Variants in KLC1 observed in about 807,000 individuals in gnomAD.
KLC1 encodes kinesin 2 60/70kDa.
KLC1 carries 30 observed loss-of-function variants against 84.2 expected under a neutral mutation model. That is an observed-to-expected ratio of 0.36 (90% CI 0.27 to 0.48). The LOEUF (loss-of-function observed/expected upper bound fraction) is 0.48. Ranked by LOEUF, KLC1 falls within the 20% of genes least tolerant of loss-of-function variation. The pLI is 0.99. For synonymous variants in KLC1, 289 were observed against 293.3 expected, an observed-to-expected ratio of 0.99 and a Z score of 0.15; for missense variants, 499 against 805.4, an observed-to-expected ratio of 0.62 and a Z score of 4.60.
chr14:103,692,449 G>A, intron 15 of KLC1, 24 bp downstream of exon 15: 2 of 1,534,826 alleles, frequency 1.3e-6, no homozygotes, highest in Non-Finnish European at 1.7e-6. Flanking sequence ...CCCGAATTGT[G>A]TCCTAGGCTG....
intron 3 of KLC1, among the ~76,000 whole-genome samples, chr14:103,660,665 A>C (rs2079204181): frequency 6.6e-6 from 1 of 150,842 alleles, no homozygotes; most frequent in Non-Finnish European, 1.5e-5. Flanking sequence ...GGTAGAGTGC[A>C]CCTGTGGTCC....
chr14:103,649,936 C>T (rs987353735), intron 1 of KLC1, among the ~76,000 whole-genome samples: 1 of 152,222 alleles, frequency 6.6e-6, no homozygotes, highest in Non-Finnish European at 1.5e-5. Flanking sequence ...ACCTCGTGAT[C>T]CGCCCGCCTC....
At chr14:103,674,362 T>A (rs1172013582) in intron 9 of KLC1, among the ~76,000 whole-genome samples, 1 of 152,154 alleles carries the variant, frequency 6.6e-6, no homozygotes, top group Non-Finnish European at 1.5e-5. Context: ...TCTAGAAACT[T>A]GCGTGAGTGT....
intron 15 of KLC1, chr14:103,699,432 G>A (rs2082914459): frequency 6.2e-7 from 1 of 1,612,922 alleles, no homozygotes. Context: ...CCCAGGGACT[G>A]CAGATGCCTG....
At chr14:103,636,635 T>C (rs1468136159) in intron 1 of KLC1, among the ~76,000 whole-genome samples, 1 of 152,180 alleles carries the variant, frequency 6.6e-6, no homozygotes, top group Non-Finnish European at 1.5e-5. Flanking sequence ...TGTCGGTCTT[T>C]GTATGCCTGG....
At position 103,662,137 on chromosome 14, in the gene KLC1, A is replaced by G. The variant is rs1275499055; in HGVS notation, c.514A>G (p.Thr172Ala). 1 of 1,613,786 alleles carries G rather than the reference A, an allele frequency of 6.2e-7. No individual in the cohort carries two copies. Among genetic ancestry groups the G allele is most frequent in the Non-Finnish European group, 8.5e-7 (1 of 1,179,788 alleles). The change falls in exon 4 of 17, where the codon ACC (threonine) becomes GCC (alanine). Residue 172 changes from threonine to alanine, a missense_variant. By Grantham distance (58) the Thr-to-Ala change is moderately conservative. Coordinates refer to ENST00000334553, the MANE Select transcript of KLC1 (RefSeq NM_001394837.1). ...SPSEDKDTDS[T>A]KEPLDDLFPN... ...ATAGGAGGACAAAGACACTGATTCT[A>G]CCAAAGAGCCTCTGGATGACCTTTT... is the stretch of plus-strand genomic sequence containing the variant.
At chr14:103,642,358 G>C (rs186450746) in intron 1 of KLC1, among the ~76,000 whole-genome samples, 1 of 152,256 alleles carries the variant, frequency 6.6e-6, no homozygotes, top group African/African-American at 2.4e-5. Context: ...GAATTGGGGT[G>C]GGGGGCACAC....
At chr14:103,644,457 C>T (rs1053896605) in intron 1 of KLC1, among the ~76,000 whole-genome samples, 1 of 151,978 alleles carries the variant, frequency 6.6e-6, no homozygotes, top group African/African-American at 2.4e-5. Context: ...GATGGGCTTT[C>T]ATCATATTGG....
intron 1 of KLC1, among the ~76,000 whole-genome samples, chr14:103,638,839 GGT>G (rs942472496): frequency 5.9e-5 from 9 of 151,470 alleles, no homozygotes; most frequent in African/African-American, 2.2e-4. Flanking sequence ...TGAACATAGG[GGT>G]GTGTGTGAGC....
Position 103,693,710 on chromosome 14 carries a change from A to G in KLC1, c.1848+1285A>G, listed in dbSNP as rs963431605. 7.3e-5 allele frequency: 109 copies of G among 1,491,198 alleles called. No individual in the cohort carries two copies. The highest frequency in any genetic ancestry group is 1.4e-4 in the Admixed American group (6 of 44,140). 92.4% of individuals were successfully genotyped at this position (1,491,198 alleles called of 1,614,324 possible). A position where few individuals can be genotyped will look rare whatever the true frequency, so the allele number is the denominator to read the frequency against. ...CGCCCTGCCCGGAGGCGCCAGCCGC[A>G]CTCCTTGGCTTCCTTTCCTAGATAG... On this transcript the variant is annotated intron_variant, in intron 15 of 16. Coordinates refer to ENST00000334553, the MANE Select transcript of KLC1 (RefSeq NM_001394837.1). This position sits in a 1 kb window ranked among gnomAD's most constrained non-coding sequence, Gnocchi z 5.1.
Position 103,694,962 on chromosome 14 carries a change from C to G in KLC1, c.1848+2537C>G. On this transcript the variant is annotated intron_variant, in intron 15 of 16. Transcript: ENST00000334553. This position sits in a 1 kb window ranked among gnomAD's most constrained non-coding sequence, Gnocchi z 4.5. Reference sequence around the variant, plus strand: ...TGTAGTCGCCAGCGGGTGCCTGGCCCAGGAGCTGCCCTGTGGAGCCAGCGT... The same window carrying G: ...TGTAGTCGCCAGCGGGTGCCTGGCCGAGGAGCTGCCCTGTGGAGCCAGCGT... 2 of 985,402 alleles carry G rather than the reference C, an allele frequency of 2.0e-6. No individual in the cohort carries two copies. Among genetic ancestry groups the G allele is most frequent in the Non-Finnish European group, 2.4e-6 (2 of 829,930 alleles). 61.0% of individuals were successfully genotyped at this position (985,402 alleles called of 1,614,324 possible). A position where few individuals can be genotyped will look rare whatever the true frequency, so the allele number is the denominator to read the frequency against.
chr14:103,696,689 G>A (rs377271620), intron 15 of KLC1: 44 of 985,334 alleles, frequency 4.5e-5, no homozygotes, highest in African/African-American at 3.0e-4. Flanking sequence ...ATATGTAGAC[G>A]TGTATTCTGT....
intron 3 of KLC1, among the ~76,000 whole-genome samples, chr14:103,659,816 T>C (rs2096233867): frequency 6.6e-6 from 1 of 152,126 alleles, no homozygotes; most frequent in African/African-American, 2.4e-5. Flanking sequence ...ACATTTATTT[T>C]CTCATAGTTC....
At chr14:103,634,569 T>A (rs2076916721) in intron 1 of KLC1, among the ~76,000 whole-genome samples, 1 of 151,972 alleles carries the variant, frequency 6.6e-6, no homozygotes, top group Non-Finnish European at 1.5e-5. Flanking sequence ...TCGGGTGTGA[T>A]GTCCATCTGG....
At chr14:103,664,466 T>G (rs905776507) in intron 5 of KLC1, among the ~76,000 whole-genome samples, 1 of 152,206 alleles carries the variant, frequency 6.6e-6, no homozygotes, top group Non-Finnish European at 1.5e-5. Flanking sequence ...GTTTGCATAT[T>G]TCACTGCAGG....
intron 1 of KLC1, among the ~76,000 whole-genome samples, chr14:103,653,669 T>C (rs2078636182): frequency 6.6e-6 from 1 of 152,238 alleles, no homozygotes. Context: ...CATTAGACAC[T>C]TAATGAATCG....
In KLC1 at chr14:103,666,253, C is replaced by T. The variant is rs571108730; in HGVS notation, c.798-3258C>T. ...TAATTTTTTGTATTTTTAGTAGAGA[C>T]GGAGTTTCACCATGTTAGCCAGGAT... On this transcript the variant is annotated intron_variant, in intron 5 of 16. Coordinates refer to ENST00000334553, the MANE Select transcript of KLC1 (RefSeq NM_001394837.1). Among the ~76,000 whole-genome samples, 124 of 151,992 alleles carry T rather than the reference C, an allele frequency of 8.2e-4. 1 individual carries two copies. The highest frequency in any genetic ancestry group is 2.8e-3 in the African/African-American group (116 of 41,452).
At chr14:103,689,730 G>A (rs1353153348) in intron 14 of KLC1, among the ~76,000 whole-genome samples, 2 of 152,188 alleles carry the variant, frequency 1.3e-5, no homozygotes, top group African/African-American at 4.8e-5. Context: ...CTTGCTGTTT[G>A]GCTGACTCCT....
Position 103,695,994 on chromosome 14 carries a change from A to C in KLC1, c.1848+3569A>C, listed in dbSNP as rs1274989329. Reference sequence around the variant, plus strand: ...TTCAGAGGAGAGAAGTGGTGGGCCCAGGCATCCCTCCTCCTGTGTGTGGTC... The same window carrying C: ...TTCAGAGGAGAGAAGTGGTGGGCCCCGGCATCCCTCCTCCTGTGTGTGGTC... On this transcript the variant is annotated intron_variant, in intron 15 of 16. Transcript: ENST00000334553. 4 of 985,172 alleles carry C rather than the reference A, an allele frequency of 4.1e-6. No individual in the cohort carries two copies. The South Asian group carries it at 1.9e-4, about 46-fold the overall frequency. The allele number at this position is 985,172 out of a possible 1,614,324, so 61.0% of individuals were successfully genotyped here.
Sources: gnomAD v4.1 joint callset for allele counts (sites outside exome capture counted in the v4.1 genomes callset) on GRCh38, gnomAD v4.1.1 for gene constraint, Gnocchi (gnomAD v3.1) non-coding constraint, MANE v1.5 for transcripts, NCBI Gene and HGNC (gene_info 2026-07-23, HGNC 2026-07-21) for gene names.